FBXO31: variants seen among roughly 807,000 people sequenced by gnomAD.
The protein encoded by FBXO31 is F-box only protein 31.
FBXO31 carries 24 observed loss-of-function variants against 54.4 expected under a neutral mutation model. That is an observed-to-expected ratio of 0.44 (90% CI 0.32 to 0.62). FBXO31 has a LOEUF of 0.62. Among genes scored for constraint, FBXO31 ranks in the 20% least tolerant of loss-of-function variants. The pLI is 0.05. For synonymous variants in FBXO31, 388 were observed against 335.6 expected (o/e 1.16, Z -1.71); for missense variants, 665 against 787.1 (o/e 0.84, Z 1.86).
At chr16:87,375,527 C>T (rs1367551766) in intron 1 of FBXO31, among the ~76,000 whole-genome samples, 2 of 152,016 alleles carry the variant, frequency 1.3e-5, no homozygotes, top group Admixed American at 6.6e-5. Context: ...TGAACAGTGC[C>T]AAAATGGGCT....
At chr16:87,379,086 G>A (rs901699541) in intron 1 of FBXO31, among the ~76,000 whole-genome samples, 18 of 152,086 alleles carry the variant, frequency 1.2e-4, no homozygotes, top group Admixed American at 9.8e-4. Flanking sequence ...AAAGAACTCT[G>A]TGACCACTCA....
intron 1 of FBXO31, among the ~76,000 whole-genome samples, chr16:87,379,002 T>C (rs1906954673): frequency 1.3e-5 from 2 of 151,392 alleles, no homozygotes; most frequent in East Asian, 3.9e-4. Flanking sequence ...TAGACATAGA[T>C]ATAGATATAT....
At chr16:87,373,324 T>C (rs1043141513) in intron 1 of FBXO31, among the ~76,000 whole-genome samples, 2 of 151,886 alleles carry the variant, frequency 1.3e-5, no homozygotes, top group Non-Finnish European at 2.9e-5. Flanking sequence ...TGGTGTCGGG[T>C]GCCTGTAGTC....
At position 87,331,070 on chromosome 16, in the gene FBXO31, A is replaced by G; in HGVS notation, c.*218T>C. The G allele has an allele frequency of 5.5e-6, 3 of 545,840 alleles. No individual in the cohort carries two copies. The South Asian group carries it at 6.8e-5, about 12-fold the overall frequency. 33.8% of individuals were successfully genotyped at this position (545,840 alleles called of 1,614,324 possible). A position where few individuals can be genotyped will look rare whatever the true frequency, so the allele number is the denominator to read the frequency against. On this transcript the variant is annotated 3_prime_UTR_variant, in exon 9 of 9. Coordinates refer to ENST00000311635, the MANE Select transcript of FBXO31 (RefSeq NM_024735.5). ...CAGGCTCGTTCTCTCTGTTTTTGGT[A>G]AGACATGCTCAGCTTCTTCCATCAT...
In FBXO31 at chr16:87,360,299, C is replaced by A; in HGVS notation, c.408G>T (p.Ala136=). 6.2e-7 allele frequency: 1 copy of A among 1,614,072 alleles called. No homozygotes were observed. Among genetic ancestry groups the A allele is most frequent in the African/African-American group, 1.3e-5 (1 of 75,070 alleles). Residue 136 remains alanine, a synonymous_variant, in exon 2 of 9, where the codon GCG becomes GCT. Coordinates refer to ENST00000311635, the MANE Select transcript of FBXO31 (RefSeq NM_024735.5). The stretch of plus-strand genomic sequence containing the variant: ...GTAACAAATAGATTCACTCACGCTT[C>A]GCATAGACGTCCCGACAAGACACGC... ...ITGVSCRDVY[A]KLLHRYRHIL...
intron 2 of FBXO31, among the ~76,000 whole-genome samples, chr16:87,347,680 CAAA>C (rs34496343): frequency 1.7e-5 from 1 of 59,008 alleles, no homozygotes. Flanking sequence ...ACTCAGTCTC[CAAA>C]AAAAAAAAAA....
chr16:87,368,847 C>T (rs183015842), intron 1 of FBXO31, among the ~76,000 whole-genome samples: 32 of 152,144 alleles, frequency 2.1e-4, no homozygotes, highest in Admixed American at 1.4e-3. Flanking sequence ...TTGCCCAGGC[C>T]GGAGTGCAGT....
In FBXO31 at chr16:87,338,398, G is replaced by A. The variant is rs1390211675; in HGVS notation, c.733-2134C>T. Among the ~76,000 whole-genome samples the A allele has an allele frequency of 1.3e-5, 2 of 149,414 alleles. No homozygotes were observed. Among genetic ancestry groups the A allele is most frequent in the African/African-American group, 4.9e-5 (2 of 40,458 alleles). On this transcript the variant is annotated intron_variant, in intron 5 of 8. Coordinates refer to ENST00000311635, the MANE Select transcript of FBXO31 (RefSeq NM_024735.5). The surrounding 1 kb of genome is among the most constrained non-coding windows in gnomAD (Gnocchi z 4.3). ...TGCCTGCTGGCTGCTTGAAACAGGA[G>A]CATGGCCCATCCTCCCTTCTCTGCT... is the stretch of plus-strand genomic sequence containing the variant.
At chr16:87,375,089 C>G (rs1325068511) in intron 1 of FBXO31, among the ~76,000 whole-genome samples, 1 of 152,178 alleles carries the variant, frequency 6.6e-6, no homozygotes, top group Non-Finnish European at 1.5e-5. Flanking sequence ...GAGGCCGAGG[C>G]AGGCGGATCA....
intron 1 of FBXO31, among the ~76,000 whole-genome samples, chr16:87,371,853 C>G (rs1228646557): frequency 6.6e-6 from 1 of 152,098 alleles, no homozygotes; most frequent in Non-Finnish European, 1.5e-5. Context: ...GGGGAAACCT[C>G]GACTCAACAC....
chr16:87,380,870 T>C (rs1207268974), intron 1 of FBXO31, among the ~76,000 whole-genome samples: 1 of 152,250 alleles, frequency 6.6e-6, no homozygotes, highest in Non-Finnish European at 1.5e-5. Context: ...ATTCTAAGAA[T>C]TTATTCTGAG....
Position 87,336,192 on chromosome 16 carries a change from G to C in FBXO31, c.805C>G (p.Leu269Val). 1 of 1,613,866 alleles carries C rather than the reference G, an allele frequency of 6.2e-7. No homozygotes were observed. Among genetic ancestry groups the C allele is most frequent in the Non-Finnish European group, 8.5e-7 (1 of 1,179,930 alleles). Residue 269 changes from leucine to valine, a missense_variant, in exon 6 of 9, where the codon CTC becomes GTC. Leu to Val is a conservative substitution (Grantham distance 32). Around this residue, in one of 4 missense-constraint regions of FBXO31, gnomAD observed 234 missense variants for 346.8 expected, o/e 0.67. Coordinates refer to ENST00000311635, the MANE Select transcript of FBXO31 (RefSeq NM_024735.5). This position sits in a 1 kb window ranked among gnomAD's most constrained non-coding sequence, Gnocchi z 6.5. ...GTGTAGATGAACTTCATCAGGATGAGCTCCTGCATGTGCTCGTGGAAGATG... is the reference window on the plus strand; with the variant it reads ...GTGTAGATGAACTTCATCAGGATGACCTCCTGCATGTGCTCGTGGAAGATG... Reference protein sequence around the residue: ...EDIFHEHMQELILMKFIYTSQ... With the variant: ...EDIFHEHMQEVILMKFIYTSQ...
intron 2 of FBXO31, among the ~76,000 whole-genome samples, chr16:87,349,931 T>C (rs2150678911): frequency 6.6e-6 from 1 of 151,542 alleles, no homozygotes; most frequent in Non-Finnish European, 1.5e-5. Flanking sequence ...AAATCCCCTC[T>C]ATTTCAAAAG....
intron 2 of FBXO31, among the ~76,000 whole-genome samples, chr16:87,349,699 G>C (rs566122330): frequency 4.2e-4 from 61 of 143,534 alleles, no homozygotes; most frequent in African/African-American, 1.6e-3. Context: ...AACAGAGCAA[G>C]ACTCCATCTG....
In FBXO31 at chr16:87,383,484, T is replaced by C. The variant is rs747221176; in HGVS notation, c.261A>G (p.Leu87=). 6.3e-7 allele frequency: 1 copy of C among 1,590,242 alleles called. No individual in the cohort carries two copies. Among genetic ancestry groups the C allele is most frequent in the Non-Finnish European group, 8.5e-7 (1 of 1,171,812 alleles). The change falls in exon 1 of 9, where the codon CTA becomes CTG. Residue 87 remains leucine (L), a synonymous_variant. Transcript: ENST00000311635. The surrounding 1 kb of genome is among the most constrained non-coding windows in gnomAD (Gnocchi z 4.9). ...EIFASLPGTD[L]PSLAQVCTKF... is the part of the protein sequence containing the mutation. ...TCGTGCAGACCTGGGCCAAGCTGGGTAGGTCCGTGCCCGGCAGCGACGCGA... is the reference window on the plus strand; with the variant it reads ...TCGTGCAGACCTGGGCCAAGCTGGGCAGGTCCGTGCCCGGCAGCGACGCGA...
chr16:87,336,296 T>C lies in FBXO31; in HGVS notation c.733-32A>G, dbSNP rs1905044556. The C allele has an allele frequency of 6.3e-7, 1 of 1,596,738 alleles. No homozygotes were observed. ...AAAGAACACAGGTCATGAATATCCA[T>C]ATGACAGGAGGCTGTGAAGAGGCTG... is the stretch of plus-strand genomic sequence containing the variant. On this transcript the variant is annotated intron_variant, in intron 5 of 8. Coordinates refer to ENST00000311635, the MANE Select transcript of FBXO31 (RefSeq NM_024735.5). This position sits in a 1 kb window ranked among gnomAD's most constrained non-coding sequence, Gnocchi z 6.5.
chr16:87,332,413 C>A (rs1006093017), intron 8 of FBXO31, among the ~76,000 whole-genome samples: 17 of 152,252 alleles, frequency 1.1e-4, no homozygotes, highest in African/African-American at 3.9e-4. Flanking sequence ...GTGGCTGCAG[C>A]ACGTGCTGTG....
At chr16:87,390,198 CT>C (rs1335758729), upstream of FBXO31, among the ~76,000 whole-genome samples, 3 of 152,000 alleles carry the variant, frequency 2.0e-5, no homozygotes, top group East Asian at 5.8e-4. Flanking sequence ...GGAGAATCAC[CT>C]GAACCCGGGA....
intron 7 of FBXO31, 32 bp from the exon 8 acceptor site, chr16:87,334,318 G>C (rs753053420): frequency 4.6e-6 from 7 of 1,534,708 alleles, no homozygotes; most frequent in Non-Finnish European, 5.3e-6. Context: ...GCAGGGCTCA[G>C]GCCAGCAGCA....
Sources: gnomAD v4.1 joint callset for allele counts (sites outside exome capture counted in the v4.1 genomes callset) on GRCh38, gnomAD v4.1.1 for gene constraint, gnomAD v4.1.1 regional missense constraint, Gnocchi (gnomAD v3.1) non-coding constraint, MANE v1.5 for transcripts, NCBI Gene and HGNC (gene_info 2026-07-23, HGNC 2026-07-21) for gene names.